The following LGSN variants were observed in gnomAD, a reference collection of about 807,000 sequenced individuals.
LGSN encodes the protein lengsin.
LGSN carries 21 observed loss-of-function variants against 19.5 expected under a neutral mutation model. The ratio of observed to expected loss-of-function variants is 1.07; its 90% confidence interval spans 0.76 to 1.55. The LOEUF is 1.55. LGSN is among the 40% of genes most tolerant of loss of function. The pLI, the probability that LGSN is intolerant of heterozygous loss-of-function variation, is 0.00. For missense variants in LGSN, 673 were observed against 608.5 expected (o/e 1.11, Z -1.12); for synonymous variants, 257 against 215.6 (o/e 1.19, Z -1.68).
At chr6:63,357,116 A>C in the LGSN span, among the ~76,000 whole-genome samples, 2 of 151,910 alleles carry the variant, frequency 1.3e-5, no homozygotes, top group African/African-American at 2.4e-5. Context: ...TTTGCTGAGA[A>C]TGCTGGTTTC....
At chr6:63,466,385 A>G in the LGSN span, among the ~76,000 whole-genome samples, 2 of 152,128 alleles carry the variant, frequency 1.3e-5, no homozygotes, top group African/African-American at 4.8e-5. Context: ...TCAGCCTCCC[A>G]AGTAGCTAGG....
upstream of LGSN, among the ~76,000 whole-genome samples, chr6:63,323,698 A>T (rs555781271): frequency 7.1e-6 from 1 of 140,286 alleles, no homozygotes; most frequent in East Asian, 1.9e-4. Context: ...TAGAAAATTG[A>T]TTTCTTATTT....
At chr6:63,379,383 T>C in the LGSN span, among the ~76,000 whole-genome samples, 1 of 152,042 alleles carries the variant, frequency 6.6e-6, no homozygotes, top group Non-Finnish European at 1.5e-5. Context: ...TCAGCAGACA[T>C]CCAGTGCCAT....
the LGSN span, among the ~76,000 whole-genome samples, chr6:63,363,534 T>G: frequency 6.6e-6 from 1 of 152,158 alleles, no homozygotes; most frequent in Non-Finnish European, 1.5e-5. Context: ...AACCATGGCA[T>G]GAGAACTATG....
chr6:63,310,141 C>G (rs1159443259), intron 1 of LGSN, among the ~76,000 whole-genome samples: 1 of 152,120 alleles, frequency 6.6e-6, no homozygotes, highest in Non-Finnish European at 1.5e-5. Flanking sequence ...CACACTGTTT[C>G]CTTCTTTCCT....
At chr6:63,506,457 G>A in the LGSN span, among the ~76,000 whole-genome samples, 1 of 152,032 alleles carries the variant, frequency 6.6e-6, no homozygotes, top group Non-Finnish European at 1.5e-5. Context: ...CAGAGACGAG[G>A]TTTCACTGTG....
At chr6:63,373,833 G>A in the LGSN span, among the ~76,000 whole-genome samples, 1 of 151,828 alleles carries the variant, frequency 6.6e-6, no homozygotes, top group East Asian at 2.0e-4. Context: ...CAATCAGAAG[G>A]CTGAGGCACG....
At position 63,302,092 on chromosome 6, in the gene LGSN, TAAATAAA is replaced by T. The variant is rs567077051; in HGVS notation, c.31-7054_31-7048del. Among the ~76,000 whole-genome samples the T allele has an allele frequency of 3.7e-3, 564 of 152,282 alleles. 4 individuals carry two copies. The highest frequency in any genetic ancestry group is 4.5e-3 in the Non-Finnish European group (304 of 68,006). On this transcript the variant is annotated intron_variant, in intron 1 of 3. Coordinates refer to ENST00000370657, the MANE Select transcript of LGSN (RefSeq NM_016571.3). ...CAATAAATAGGCTTATTTGATATGT[TAAATAAA>T]ATGGAAAGCATCATAAAATAAATGG...
chr6:63,556,606 T>A, the LGSN span, among the ~76,000 whole-genome samples: 3 of 152,146 alleles, frequency 2.0e-5, no homozygotes, highest in Non-Finnish European at 4.4e-5. Context: ...ACAGGGGAAG[T>A]TAAGTCTAAA....
At chr6:63,348,666 G>A in the LGSN span, among the ~76,000 whole-genome samples, 5 of 151,572 alleles carry the variant, frequency 3.3e-5, no homozygotes, top group Admixed American at 1.3e-4. Context: ...TCTGTGTTTG[G>A]TAGGAGTCAT....
the LGSN span, among the ~76,000 whole-genome samples, chr6:63,353,678 G>A: frequency 6.6e-6 from 1 of 150,924 alleles, no homozygotes; most frequent in Non-Finnish European, 1.5e-5. Flanking sequence ...AAAAGAGCCT[G>A]AGTAGCCAAA....
the LGSN span, among the ~76,000 whole-genome samples, chr6:63,442,601 C>G: frequency 1.3e-5 from 2 of 151,984 alleles, no homozygotes; most frequent in African/African-American, 4.8e-5. Context: ...AAACCTTGAG[C>G]TAGACACAGA....
the LGSN span, among the ~76,000 whole-genome samples, chr6:63,390,606 C>T: frequency 6.6e-6 from 1 of 151,222 alleles, no homozygotes; most frequent in Non-Finnish European, 1.5e-5. Flanking sequence ...CCTGTAATCC[C>T]AGCACTTTGG....
the LGSN span, among the ~76,000 whole-genome samples, chr6:63,339,558 G>A: frequency 1.3e-5 from 2 of 152,020 alleles, no homozygotes; most frequent in Non-Finnish European, 2.9e-5. Context: ...TTCAGTGTAT[G>A]TGTGTCTTCA....
intron 1 of LGSN, among the ~76,000 whole-genome samples, chr6:63,309,041 C>T (rs1768518693): frequency 6.6e-6 from 1 of 152,128 alleles, no homozygotes; most frequent in South Asian, 2.1e-4. Flanking sequence ...TTCAGTGCCA[C>T]CTTCATTATA....
the LGSN span, among the ~76,000 whole-genome samples, chr6:63,531,510 T>C: frequency 2.3e-4 from 35 of 151,054 alleles, no homozygotes; most frequent in African/African-American, 8.5e-4. Flanking sequence ...ATATCTATTA[T>C]GCTTTTTTTT....
chr6:63,522,853 A>C, the LGSN span, among the ~76,000 whole-genome samples: 1 of 148,508 alleles, frequency 6.7e-6, no homozygotes, highest in African/African-American at 2.5e-5. Flanking sequence ...CCTTTATAAG[A>C]CTAAATCACT....
the LGSN span, chr6:63,573,435 G>A: frequency 6.6e-6 from 1 of 152,218 alleles, no homozygotes; most frequent in Non-Finnish European, 1.5e-5. Context: ...CCGAGCCTCA[G>A]ACAAAATGGC....
chr6:63,511,673 C>T, the LGSN span, among the ~76,000 whole-genome samples: 42 of 152,256 alleles, frequency 2.8e-4, no homozygotes, highest in Admixed American at 4.6e-4. Flanking sequence ...CCAAATCTAA[C>T]GTATTAAAAT....
Sources: gnomAD v4.1 joint callset for allele counts (sites outside exome capture counted in the v4.1 genomes callset) on GRCh38, gnomAD v4.1.1 for gene constraint, MANE v1.5 for transcripts, NCBI Gene and HGNC (gene_info 2026-07-23, HGNC 2026-07-21) for gene names.